The following DEPDC5 variants were observed in gnomAD, a reference collection of about 807,000 sequenced individuals.
DEPDC5 encodes the protein DEP domain containing 5, GATOR1 subcomplex subunit.
A neutral mutation model predicts 217.3 loss-of-function variants in DEPDC5; 73 were observed. The observed-to-expected ratio is 0.34, with a 90% CI of 0.28 to 0.41. DEPDC5 has a LOEUF of 0.41. DEPDC5 is among the 10% of genes least tolerant of loss of function. The pLI, the probability that DEPDC5 is intolerant of heterozygous loss-of-function variation, is 1.00. For missense variants in DEPDC5, 1,675 were observed against 2,070.1 expected, an observed-to-expected ratio of 0.81 and a Z score of 3.70; for synonymous variants, 733 against 756.7, an observed-to-expected ratio of 0.97 and a Z score of 0.51.
At chr22:31,879,775 G>A in intron 38 of DEPDC5, 23 bp downstream of exon 38, 3 of 1,599,578 alleles carry the variant, frequency 1.9e-6, no homozygotes, top group Non-Finnish European at 1.7e-6. Context: ...CCCAGACAAG[G>A]TCTGAGGGTG....
intron 24 of DEPDC5, among the ~76,000 whole-genome samples, chr22:31,828,904 G>A (rs1339836511): frequency 6.6e-6 from 1 of 152,326 alleles, no homozygotes; most frequent in Non-Finnish European, 1.5e-5. Flanking sequence ...AAGGAAAGCC[G>A]TCTTGTGGGG....
At chr22:31,781,007 G>A (rs993688816) in intron 8 of DEPDC5, among the ~76,000 whole-genome samples, 1 of 152,014 alleles carries the variant, frequency 6.6e-6, no homozygotes, top group Admixed American at 6.6e-5. Flanking sequence ...ACCTGATGTC[G>A]GGAGTTTGAG....
At chr22:31,815,265 G>A in intron 21 of DEPDC5, 53 bp downstream of exon 21, 1 of 1,589,212 alleles carries the variant, frequency 6.3e-7, no homozygotes, top group Non-Finnish European at 8.6e-7. Context: ...TAATATAGTG[G>A]GTGACTGGAG....
In DEPDC5 at chr22:31,843,184, A is replaced by G; in HGVS notation, c.2605A>G (p.Met869Val). 1 of 1,614,180 alleles carries G rather than the reference A, an allele frequency of 6.2e-7. No individual in the cohort carries two copies. Among genetic ancestry groups the G allele is most frequent in the South Asian group, 1.1e-5 (1 of 91,068 alleles). Residue 869 changes from methionine (M) to valine (V), a missense_variant, in exon 28 of 43, where the codon ATG becomes GTG. Coordinates refer to ENST00000651528, the MANE Select transcript of DEPDC5 (RefSeq NM_001242896.3). ...CCACAAAGTGACGCTGAAGGATAAG[A>G]TGATCACAGTGACGCGATACCTTCC... ...TFHKVTLKDK[M>V]ITVTRYLPKY...
intron 15 of DEPDC5, among the ~76,000 whole-genome samples, chr22:31,803,563 C>G (rs770799199): frequency 6.6e-6 from 1 of 152,030 alleles, no homozygotes; most frequent in African/African-American, 2.4e-5. Context: ...CCAGTCCTTC[C>G]TCCATGATGT....
chr22:31,802,542 T>A (rs1446456274), intron 14 of DEPDC5, among the ~76,000 whole-genome samples, 162 bp from the exon 15 acceptor site: 1 of 152,036 alleles, frequency 6.6e-6, no homozygotes, highest in African/African-American at 2.4e-5. Flanking sequence ...TAGTTCTTAA[T>A]ATGGAAGAGA....
chr22:31,905,374 G>T (rs547740491), intron 41 of DEPDC5, among the ~76,000 whole-genome samples: 1 of 151,394 alleles, frequency 6.6e-6, no homozygotes, highest in Admixed American at 6.6e-5. Context: ...AGCTACTCAG[G>T]AGACTGAGGC....
rs1569186162 is a variant in DEPDC5 at position 31,879,605 on chromosome 22, G to A, written c.3886G>A (p.Val1296Met). The A allele has an allele frequency of 6.2e-7, 1 of 1,613,930 alleles. No homozygotes were observed. ...CAGCTTCCAGCGCAAGTGGTTTGAG[G>A]TGGCCTTTGTGGCAGAAGAGCTCGT... Reference protein sequence around the residue: ...FASFQRKWFEVAFVAEELVHS... With the variant: ...FASFQRKWFEMAFVAEELVHS... Residue 1296 changes from valine (V) to methionine (M), a missense_variant, in exon 38 of 43, where the codon GTG (valine) becomes ATG (methionine). Transcript: ENST00000651528.
chr22:31,886,987 G>A (rs780512055), intron 38 of DEPDC5, among the ~76,000 whole-genome samples: 5 of 151,948 alleles, frequency 3.3e-5, no homozygotes, highest in African/African-American at 7.3e-5. Flanking sequence ...GGAGGCTGAA[G>A]CAGGAGAATT....
intron 24 of DEPDC5, among the ~76,000 whole-genome samples, chr22:31,825,614 C>T (rs1424736792): frequency 1.3e-5 from 2 of 152,132 alleles, no homozygotes; most frequent in Non-Finnish European, 2.9e-5. Context: ...TCCTCACCTC[C>T]GTTCTCACTG....
chr22:31,760,259 G>A (rs1453769700), intron 3 of DEPDC5, among the ~76,000 whole-genome samples: 2 of 151,620 alleles, frequency 1.3e-5, no homozygotes, highest in African/African-American at 4.8e-5. Context: ...TAGGAGAGAC[G>A]GGGTTTCACT....
chr22:31,906,657 T>A lies in DEPDC5; in HGVS notation c.*160T>A. 2 of 996,978 alleles carry A rather than the reference T, an allele frequency of 2.0e-6. No individual in the cohort carries two copies. Among genetic ancestry groups the A allele is most frequent in the Non-Finnish European group, 2.9e-6 (2 of 688,744 alleles). 61.8% of individuals were successfully genotyped at this position (996,978 alleles called of 1,614,324 possible). A position where few individuals can be genotyped will look rare whatever the true frequency, so the allele number is the denominator to read the frequency against. ...TTGTTTGTTTGTTTGTTTGTTTGTT[T>A]TTGGCCCCCACGACAAGTCTTCTAC... On this transcript the variant is annotated 3_prime_UTR_variant, in exon 43 of 43. Transcript: ENST00000651528. The surrounding 1 kb of genome is among the most constrained non-coding windows in gnomAD (Gnocchi z 5.1).
chr22:31,778,485 T>C (rs1217362841), intron 8 of DEPDC5, among the ~76,000 whole-genome samples: 1 of 152,108 alleles, frequency 6.6e-6, no homozygotes, highest in Non-Finnish European at 1.5e-5. Context: ...CAAGACCCCA[T>C]CTCAAAAACA....
chr22:31,759,214 G>T (rs2082174901), intron 3 of DEPDC5, among the ~76,000 whole-genome samples: 1 of 151,964 alleles, frequency 6.6e-6, no homozygotes, highest in African/African-American at 2.4e-5. Context: ...TTACAGGTAT[G>T]AGGCACCGCA....
intron 38 of DEPDC5, among the ~76,000 whole-genome samples, chr22:31,892,396 A>G (rs1228426737): frequency 1.3e-5 from 2 of 152,208 alleles, no homozygotes; most frequent in Non-Finnish European, 2.9e-5. Flanking sequence ...AAGTTCCTGT[A>G]CATCTGGCCG....
At chr22:31,844,675 C>G (rs1359806046) in intron 29 of DEPDC5, 1 of 239,414 alleles carries the variant, frequency 4.2e-6, no homozygotes, top group Non-Finnish European at 7.8e-6. Context: ...AAAGCAAAAA[C>G]TGCCTTTGTG....
At chr22:31,803,895 T>C (rs1183747959) in intron 15 of DEPDC5, among the ~76,000 whole-genome samples, 7 of 152,246 alleles carry the variant, frequency 4.6e-5, no homozygotes, top group Non-Finnish European at 8.8e-5. Context: ...GGTTGTCTTT[T>C]TTTAAACAAG....
chr22:31,864,680 CA>C (rs2092635732), intron 33 of DEPDC5, among the ~76,000 whole-genome samples: 1 of 151,218 alleles, frequency 6.6e-6, no homozygotes, highest in Non-Finnish European at 1.5e-5. Flanking sequence ...TTTGGGAGGC[CA>C]AAGTACTGGG....
Position 31,906,106 on chromosome 22 carries a change from T to TC in DEPDC5, c.4519+43dup. The stretch of plus-strand genomic sequence containing the variant: ...GCAGAGTTGGGCAGGTGGGTCCACA[T>TC]CCCTTTCCTTGCACCAAGCCTATGG... On this transcript the variant is annotated intron_variant, in intron 42 of 42. Transcript: ENST00000651528. This position sits in a 1 kb window ranked among gnomAD's most constrained non-coding sequence, Gnocchi z 5.1. The TC allele has an allele frequency of 6.2e-7, 1 of 1,613,606 alleles. No homozygotes were observed. Among genetic ancestry groups the TC allele is most frequent in the South Asian group, 1.1e-5 (1 of 91,044 alleles).
Sources: allele counts gnomAD v4.1 joint callset (sites outside exome capture counted in the v4.1 genomes callset), GRCh38; gene constraint gnomAD v4.1.1; non-coding constraint Gnocchi (gnomAD v3.1); transcripts MANE v1.5; gene names NCBI Gene and HGNC (gene_info 2026-07-23, HGNC 2026-07-21).